Variants in AFAP1 observed in about 807,000 individuals in gnomAD.
AFAP1 encodes actin filament associated protein 1.
Under a neutral mutation model 93.9 loss-of-function variants are expected in AFAP1, and 75 were observed. The observed-to-expected ratio is 0.80, with a 90% CI of 0.66 to 0.97. The LOEUF (loss-of-function observed/expected upper bound fraction) is 0.97. Among genes scored for constraint, AFAP1 ranks in the 50% least tolerant of loss-of-function variants. AFAP1 has a pLI of 0.00. For missense variants in AFAP1, 1,201 were observed against 1,050.8 expected, an observed-to-expected ratio of 1.14 and a Z score of -1.98; for synonymous variants, 517 against 430.7, an observed-to-expected ratio of 1.20 and a Z score of -2.48.
chr4:7,929,190 C>G (rs1404562206), intron 1 of AFAP1, among the ~76,000 whole-genome samples: 5 of 152,118 alleles, frequency 3.3e-5, no homozygotes, highest in Admixed American at 3.3e-4. Flanking sequence ...CTTTCTTTGT[C>G]CTCTCCACAT....
At chr4:7,899,968 C>T (rs938952468) in intron 1 of AFAP1, among the ~76,000 whole-genome samples, 3 of 152,118 alleles carry the variant, frequency 2.0e-5, no homozygotes, top group Non-Finnish European at 2.9e-5. Flanking sequence ...TACTCAGGTG[C>T]GTTTTGGTTA....
At chr4:7,807,203 A>AAAAAAACAAAAAC (rs113951631) in intron 9 of AFAP1, among the ~76,000 whole-genome samples, 1 of 151,996 alleles carries the variant, frequency 6.6e-6, no homozygotes, top group African/African-American at 2.4e-5. Context: ...CTGGAGCATT[A>AAAAAAACAAAAAC]AAAAACAAAA....
At chr4:7,926,652 C>A (rs1460906209) in intron 1 of AFAP1, among the ~76,000 whole-genome samples, 2 of 152,212 alleles carry the variant, frequency 1.3e-5, no homozygotes, top group African/African-American at 2.4e-5. Context: ...GCTCTTCCTC[C>A]TTTTCCACCC....
chr4:7,864,092 C>CG (rs1560207825), intron 3 of AFAP1, among the ~76,000 whole-genome samples: 1 of 152,242 alleles, frequency 6.6e-6, no homozygotes, highest in Non-Finnish European at 1.5e-5. Flanking sequence ...CCCATCACAA[C>CG]CCATTCCCAA....
At chr4:7,937,573 G>A (rs188005112) in intron 1 of AFAP1, among the ~76,000 whole-genome samples, 91 of 152,236 alleles carry the variant, frequency 6.0e-4, no homozygotes, top group Admixed American at 2.0e-3. Flanking sequence ...TGCAACCTCC[G>A]CCTCCTGGGT....
intron 14 of AFAP1, chr4:7,775,149 T>C (rs1715968984): frequency 4.5e-6 from 2 of 441,198 alleles, no homozygotes; most frequent in South Asian, 7.9e-5. Context: ...AAAAAAAAAT[T>C]AGGTTTATTC....
intron 6 of AFAP1, among the ~76,000 whole-genome samples, chr4:7,820,308 A>C (rs1394971573): frequency 1.3e-5 from 2 of 152,212 alleles, no homozygotes; most frequent in African/African-American, 4.8e-5. Flanking sequence ...GGTGGAGAGA[A>C]GCCAGTTTGA....
In AFAP1 at chr4:7,809,693, G is replaced by T; in HGVS notation, c.975C>A (p.Thr325=). 1 of 1,614,058 alleles carries T rather than the reference G, an allele frequency of 6.2e-7. No homozygotes were observed. The highest frequency in any genetic ancestry group is 8.5e-7 in the Non-Finnish European group (1 of 1,179,998). Residue 325 remains threonine, a synonymous_variant, in exon 9 of 18, where the codon ACC becomes ACA. Transcript: ENST00000420658. ...TVSKVTGKKI[T]KIISLGKKKP... is the part of the protein sequence containing the mutation. ...TTTTCTTTCCCAGACTGATGATCTT[G>T]GTGATTTTTTTCCCAGTGACTTTCG...
chr4:7,919,169 TCTGA>T (rs1720297005), intron 1 of AFAP1, among the ~76,000 whole-genome samples: 2 of 152,138 alleles, frequency 1.3e-5, no homozygotes, highest in Middle Eastern at 3.2e-3. Context: ...GGAAAGGGAA[TCTGA>T]CTGAGCAGTG....
chr4:7,829,862 T>C (rs779250421), intron 6 of AFAP1, among the ~76,000 whole-genome samples: 4 of 152,218 alleles, frequency 2.6e-5, no homozygotes, highest in Non-Finnish European at 4.4e-5. Flanking sequence ...GTGATTACTC[T>C]TTCTGAGAAT....
intron 13 of AFAP1, among the ~76,000 whole-genome samples, chr4:7,779,449 GA>G (rs1560152485): frequency 6.6e-6 from 1 of 152,166 alleles, no homozygotes; most frequent in Non-Finnish European, 1.5e-5. Flanking sequence ...ACAGGTTTCT[GA>G]AAAAGTGAAA....
intron 1 of AFAP1, among the ~76,000 whole-genome samples, chr4:7,875,940 GTTA>G (rs1340099913): frequency 2.0e-5 from 3 of 152,108 alleles, no homozygotes; most frequent in Non-Finnish European, 4.4e-5. Context: ...AGAATGTAGG[GTTA>G]TTATTTAATG....
intron 1 of AFAP1, among the ~76,000 whole-genome samples, chr4:7,886,365 T>A (rs1718142689): frequency 6.6e-6 from 1 of 152,232 alleles, no homozygotes; most frequent in Non-Finnish European, 1.5e-5. Flanking sequence ...AAATCAAATC[T>A]ATTTATAGCT....
In AFAP1 at chr4:7,781,578, T is replaced by C; in HGVS notation, c.1580A>G (p.Glu527Gly). ...GCCTGCGTTATCATAAAGCACCTCT[T>C]CTCCCAAGCCTCTGCTGCAGGAAGC... ...FPASCSRGLG[E>G]EVLYDNAGLY... Residue 527 changes from glutamate to glycine, a missense_variant, in exon 13 of 18, where the codon GAA becomes GGA. Physicochemically the swap from Glu to Gly is moderately conservative, Grantham distance 98. Coordinates refer to ENST00000420658, the MANE Select transcript of AFAP1 (RefSeq NM_001134647.2). 6.4e-7 allele frequency: 1 copy of C among 1,551,724 alleles called. No homozygotes were observed. Among genetic ancestry groups the C allele is most frequent in the Non-Finnish European group, 8.7e-7 (1 of 1,146,996 alleles).
intron 1 of AFAP1, among the ~76,000 whole-genome samples, chr4:7,891,596 T>C (rs572098994): frequency 3.5e-4 from 54 of 152,216 alleles, no homozygotes; most frequent in African/African-American, 1.1e-3. Flanking sequence ...GAATTCCTAA[T>C]CACAGGCTCT....
intron 12 of AFAP1, among the ~76,000 whole-genome samples, chr4:7,782,550 C>T (rs1352700287): frequency 6.6e-6 from 1 of 152,242 alleles, no homozygotes; most frequent in Non-Finnish European, 1.5e-5. Flanking sequence ...CATGCCACTG[C>T]ATGGGACAGA....
intron 1 of AFAP1, among the ~76,000 whole-genome samples, chr4:7,899,503 T>G (rs1718994179): frequency 6.6e-6 from 1 of 152,172 alleles, no homozygotes; most frequent in South Asian, 2.1e-4. Flanking sequence ...AAGGCAGACC[T>G]CAAAAACTTC....
At chr4:7,908,006 G>A (rs1270827679) in intron 1 of AFAP1, among the ~76,000 whole-genome samples, 14 of 152,252 alleles carry the variant, frequency 9.2e-5, no homozygotes, top group African/African-American at 2.6e-4. Context: ...GATGTCAGAC[G>A]TTCAAGACCA....
intron 17 of AFAP1, among the ~76,000 whole-genome samples, chr4:7,766,906 G>A (rs1000508895): frequency 4.6e-5 from 7 of 152,156 alleles, no homozygotes; most frequent in African/African-American, 7.2e-5. Flanking sequence ...GCTCCTCACC[G>A]AGAGTTGGAA....
Sources: gnomAD v4.1 joint callset for allele counts (sites outside exome capture counted in the v4.1 genomes callset) on GRCh38, gnomAD v4.1.1 for gene constraint, MANE v1.5 for transcripts, NCBI Gene and HGNC (gene_info 2026-07-23, HGNC 2026-07-21) for gene names.